Variants in MAP3K4 observed in about 807,000 individuals in gnomAD.
MAP3K4 encodes the protein mitogen-activated protein kinase kinase kinase 4.
MAP3K4 carries 67 observed loss-of-function variants against 185.6 expected under a neutral mutation model. That is an observed-to-expected ratio of 0.36 (90% CI 0.30 to 0.44). The LOEUF is 0.44. MAP3K4 is among the 20% of genes least tolerant of loss of function. MAP3K4 has a pLI of 1.00. For missense variants in MAP3K4, 1,551 were observed against 1,995.1 expected (o/e 0.78, Z 4.24); for synonymous variants, 702 against 710.4 (o/e 0.99, Z 0.19).
At chr6:161,040,888 C>T (rs950055041) in intron 2 of MAP3K4, among the ~76,000 whole-genome samples, 4 of 152,248 alleles carry the variant, frequency 2.6e-5, no homozygotes, top group African/African-American at 4.8e-5. Flanking sequence ...ACTTTCTCCC[C>T]ATTGATCAAA....
chr6:161,041,874 A>T (rs562444065), intron 2 of MAP3K4, among the ~76,000 whole-genome samples: 5 of 145,596 alleles, frequency 3.4e-5, no homozygotes, highest in African/African-American at 1.3e-4. Flanking sequence ...GGACAGGCAG[A>T]TGCTCTCAGG....
chr6:161,050,361 A>G (rs757975350), intron 3 of MAP3K4, among the ~76,000 whole-genome samples: 24 of 152,190 alleles, frequency 1.6e-4, no homozygotes, highest in Admixed American at 2.6e-4. Flanking sequence ...AGGGCGCCCA[A>G]GGTCAAGGAG....
chr6:161,006,454 T>C (rs984043854), intron 1 of MAP3K4, among the ~76,000 whole-genome samples: 2 of 152,210 alleles, frequency 1.3e-5, no homozygotes, highest in African/African-American at 4.8e-5. Flanking sequence ...AATTATGTTG[T>C]ATTAGGTATT....
Position 161,098,450 on chromosome 6 carries a change from C to G in MAP3K4, c.3674+23C>G. 1 of 1,602,240 alleles carries G rather than the reference C, an allele frequency of 6.2e-7. No individual in the cohort carries two copies. Among genetic ancestry groups the G allele is most frequent in the Non-Finnish European group, 8.5e-7 (1 of 1,172,144 alleles). ...CAGGTAGTCTCACCCCACCAGTGTC[C>G]CGTACCCTCACCACCCCTTACATGC... On this transcript the variant is annotated intron_variant, in intron 17 of 26. Transcript: ENST00000392142. This position sits in a 1 kb window ranked among gnomAD's most constrained non-coding sequence, Gnocchi z 4.4.
intron 1 of MAP3K4, among the ~76,000 whole-genome samples, chr6:161,016,073 A>G (rs952208613): frequency 9.2e-5 from 14 of 152,160 alleles, no homozygotes; most frequent in African/African-American, 3.4e-4. Flanking sequence ...AATTATAACC[A>G]TCCTAGTGGA....
At position 161,053,845 on chromosome 6, in the gene MAP3K4, C is replaced by T. The variant is rs945765958; in HGVS notation, c.1707+3866C>T. Among the ~76,000 whole-genome samples the T allele has an allele frequency of 3.9e-5, 6 of 152,172 alleles. No individual in the cohort carries two copies. ...CTGACCCCAAATGATCCACCTGCCT[C>T]CGCCTCCCAAAGTGCTGGGATTACA... On this transcript the variant is annotated intron_variant, in intron 3 of 26. Transcript: ENST00000392142. The surrounding 1 kb of genome is among the most constrained non-coding windows in gnomAD (Gnocchi z 4.2).
chr6:161,038,976 C>T (rs912582947), intron 2 of MAP3K4, among the ~76,000 whole-genome samples: 2 of 152,164 alleles, frequency 1.3e-5, no homozygotes, highest in Non-Finnish European at 2.9e-5. Context: ...AATTGGACTT[C>T]TTACACGGCA....
At chr6:161,041,563 G>C (rs1322419222) in intron 2 of MAP3K4, among the ~76,000 whole-genome samples, 1 of 152,230 alleles carries the variant, frequency 6.6e-6, no homozygotes, top group Non-Finnish European at 1.5e-5. Context: ...TAAGGCTCCA[G>C]AGAGGACCAC....
Position 161,070,545 on chromosome 6 carries a change from C to G in MAP3K4, c.1708-63C>G, listed in dbSNP as rs1784890398. ...ATTGTAGAGAATAAGAGTTTATAAC[C>G]ACAACCGTAGAACGTTGTCTCGTAT... On this transcript the variant is annotated intron_variant, in intron 3 of 26. Coordinates refer to ENST00000392142, the MANE Select transcript of MAP3K4 (RefSeq NM_005922.4). This position sits in a 1 kb window ranked among gnomAD's most constrained non-coding sequence, Gnocchi z 4.5. 1 of 1,462,094 alleles carries G rather than the reference C, an allele frequency of 6.8e-7. No individual in the cohort carries two copies. The highest frequency in any genetic ancestry group is 2.0e-5 in the Admixed American group (1 of 49,018). 90.6% of individuals were successfully genotyped at this position (1,462,094 alleles called of 1,614,324 possible). A position where few individuals can be genotyped will look rare whatever the true frequency, so the allele number is the denominator to read the frequency against.
At position 161,100,936 on chromosome 6, in the gene MAP3K4, T is replaced by C. The variant is rs1471517682; in HGVS notation, c.3675-956T>C. ...CAAGTGCTATACTAGATTTGAGGGC[T>C]TAGGGAAATACCAGAAAAAAATGCA... is the stretch of plus-strand genomic sequence containing the variant. On this transcript the variant is annotated intron_variant, in intron 17 of 26. Transcript: ENST00000392142. This position sits in a 1 kb window ranked among gnomAD's most constrained non-coding sequence, Gnocchi z 5.8. 1 of 152,144 alleles carries C rather than the reference T, an allele frequency of 6.6e-6. No homozygotes were observed. The highest frequency in any genetic ancestry group is 2.4e-5 in the African/African-American group (1 of 41,412). The allele number at this position is 152,144 out of a possible 1,614,324, so 9.4% of individuals were successfully genotyped here. A position where few individuals can be genotyped will look rare whatever the true frequency, so the allele number is the denominator to read the frequency against.
chr6:161,062,441 G>A (rs1032254432), intron 3 of MAP3K4, among the ~76,000 whole-genome samples: 7 of 152,090 alleles, frequency 4.6e-5, no homozygotes, highest in South Asian at 2.1e-4. Flanking sequence ...GTAGATAGAA[G>A]TTTCAGATTT....
chr6:161,008,057 G>A lies in MAP3K4; in HGVS notation c.152+15974G>A, dbSNP rs1046312980. On this transcript the variant is annotated intron_variant, in intron 1 of 26. Coordinates refer to ENST00000392142, the MANE Select transcript of MAP3K4 (RefSeq NM_005922.4). The surrounding 1 kb of genome is among the most constrained non-coding windows in gnomAD (Gnocchi z 4.1). ...TAAAATTCTGGTAAACCCATAAAGAGTAGAAAGAAGGTAGAAAGGCAGAAA... is the reference window on the plus strand; with the variant it reads ...TAAAATTCTGGTAAACCCATAAAGAATAGAAAGAAGGTAGAAAGGCAGAAA... Among the ~76,000 whole-genome samples the A allele has an allele frequency of 3.9e-5, 6 of 152,180 alleles. No individual in the cohort carries two copies. Among genetic ancestry groups the A allele is most frequent in the African/African-American group, 1.2e-4 (5 of 41,446 alleles).
At position 161,063,126 on chromosome 6, in the gene MAP3K4, C is replaced by T. The variant is rs1784552244; in HGVS notation, c.1708-7482C>T. Among the ~76,000 whole-genome samples, 1 of 151,764 alleles carries T rather than the reference C, an allele frequency of 6.6e-6. No homozygotes were observed. ...CTGTTTATTTGCTCTTATGTGCCTT[C>T]TAGTTTGTTTTTGATTTGGGACGTA... On this transcript the variant is annotated intron_variant, in intron 3 of 26. Coordinates refer to ENST00000392142, the MANE Select transcript of MAP3K4 (RefSeq NM_005922.4). The surrounding 1 kb of genome is among the most constrained non-coding windows in gnomAD (Gnocchi z 5.4).
rs1778289956 is a variant in MAP3K4 at position 161,110,293 on chromosome 6, C to A, written c.4396+379C>A. ...TGAAAATCATGAATATGTAAACCGACAGTAAATCAGATCAGAAGTGCACAT... is the reference window on the plus strand; with the variant it reads ...TGAAAATCATGAATATGTAAACCGAAAGTAAATCAGATCAGAAGTGCACAT... On this transcript the variant is annotated intron_variant, in intron 23 of 26. Transcript: ENST00000392142. This position sits in a 1 kb window ranked among gnomAD's most constrained non-coding sequence, Gnocchi z 4.8. 6.6e-6 allele frequency among the ~76,000 whole-genome samples: 1 copy of A among 152,108 alleles called. No homozygotes were observed. The highest frequency in any genetic ancestry group is 2.4e-5 in the African/African-American group (1 of 41,418).
Position 161,070,329 on chromosome 6 carries a change from A to G in MAP3K4, c.1708-279A>G, listed in dbSNP as rs1386944802. The stretch of plus-strand genomic sequence containing the variant: ...TAAGTGTGAGGCAAAAATGTTAAAG[A>G]TGAACCTGATTCTTTTTCTAATATA... On this transcript the variant is annotated intron_variant, in intron 3 of 26. Coordinates refer to ENST00000392142, the MANE Select transcript of MAP3K4 (RefSeq NM_005922.4). This position sits in a 1 kb window ranked among gnomAD's most constrained non-coding sequence, Gnocchi z 4.5. 1.3e-5 allele frequency among the ~76,000 whole-genome samples: 2 copies of G among 152,234 alleles called. No individual in the cohort carries two copies. The highest frequency in any genetic ancestry group is 2.9e-5 in the Non-Finnish European group (2 of 68,048).
chr6:161,057,306 T>C (rs1379462189), intron 3 of MAP3K4, among the ~76,000 whole-genome samples: 2 of 152,166 alleles, frequency 1.3e-5, no homozygotes, highest in Non-Finnish European at 2.9e-5. Flanking sequence ...CTACCATTTA[T>C]TGACTCTCAC....
intron 1 of MAP3K4, among the ~76,000 whole-genome samples, chr6:161,003,706 G>A (rs1781439903): frequency 6.6e-6 from 1 of 152,114 alleles, no homozygotes. Flanking sequence ...TAAAGTGGCT[G>A]TGGTTAACTT....
intron 1 of MAP3K4, among the ~76,000 whole-genome samples, chr6:161,020,265 C>CTTTG (rs58355990): frequency 0.1 from 15,510 of 151,540 alleles, 900 homozygotes; most frequent in Non-Finnish European, 0.13. Context: ...ATGGACTTTT[C>CTTTG]TTTGTTTGTT....
chr6:161,106,902 A>T lies in MAP3K4; in HGVS notation c.4048+197A>T, dbSNP rs1013217081. On this transcript the variant is annotated intron_variant, in intron 20 of 26. Coordinates refer to ENST00000392142, the MANE Select transcript of MAP3K4 (RefSeq NM_005922.4). This position sits in a 1 kb window ranked among gnomAD's most constrained non-coding sequence, Gnocchi z 4.9. The stretch of plus-strand genomic sequence containing the variant: ...TAAAATGTATTCTAAGAGCAATACA[A>T]AATGAGATTTTAGAATGAGAAAGAG... Among the ~76,000 whole-genome samples, 2 of 152,212 alleles carry T rather than the reference A, an allele frequency of 1.3e-5. No homozygotes were observed. Among genetic ancestry groups the T allele is most frequent in the Middle Eastern group, 3.2e-3 (1 of 316 alleles).
Sources: allele counts gnomAD v4.1 joint callset (sites outside exome capture counted in the v4.1 genomes callset), GRCh38; gene constraint gnomAD v4.1.1; non-coding constraint Gnocchi (gnomAD v3.1); transcripts MANE v1.5; gene names NCBI Gene and HGNC (gene_info 2026-07-23, HGNC 2026-07-21).